The following PTPRB variants were observed in gnomAD, a reference collection of about 807,000 sequenced individuals.
The protein encoded by PTPRB is receptor-type tyrosine-protein phosphatase beta.
In PTPRB, 97 loss-of-function variants were observed where a neutral mutation model predicts 238.1. The observed-to-expected ratio is 0.41, with a 90% CI of 0.35 to 0.48. The LOEUF (loss-of-function observed/expected upper bound fraction) is 0.48. PTPRB is among the 20% of genes least tolerant of loss of function. The pLI is 0.30. For missense variants in PTPRB, 2,292 were observed against 2,681.9 expected (o/e 0.85, Z 3.21); for synonymous variants, 970 against 995.4 (o/e 0.97, Z 0.48).
At chr12:70,591,974 G>A (rs1214458531) in intron 7 of PTPRB, 4 of 368,698 alleles carry the variant, frequency 1.1e-5, no homozygotes, top group Non-Finnish European at 2.0e-5. Flanking sequence ...AATGCTAACT[G>A]GTTCTCACTG....
rs748003405 is a variant in PTPRB, at chr12:70,520,273, T to G, written c.*1216A>C. On this transcript the variant is annotated 3_prime_UTR_variant, in exon 34 of 34. Transcript: ENST00000334414. ...TGGAATTTGTTATAGTCAAAGTAAG[T>G]AAGGCACAAATATTGAAGATAAACT... 21 of 456,256 alleles carry G rather than the reference T, an allele frequency of 4.6e-5. No individual in the cohort carries two copies. Among genetic ancestry groups the G allele is most frequent in the African/African-American group, 8.0e-5 (4 of 50,294 alleles). The allele number at this position is 456,256 out of a possible 1,614,324, so 28.3% of individuals were successfully genotyped here.
chr12:70,603,507 G>C (rs574305206), intron 4 of PTPRB, among the ~76,000 whole-genome samples: 1 of 152,080 alleles, frequency 6.6e-6, no homozygotes, highest in Non-Finnish European at 1.5e-5. Flanking sequence ...TATACTTTTC[G>C]CAGAGTAGTG....
intron 9 of PTPRB, chr12:70,585,022 C>G (rs1468807644): frequency 6.7e-6 from 1 of 148,602 alleles, no homozygotes; most frequent in East Asian, 2.0e-4. Flanking sequence ...TGTGCAGTGG[C>G]AGGATCTCGA....
At chr12:70,612,273 G>A (rs1033194052) in intron 3 of PTPRB, among the ~76,000 whole-genome samples, 21 of 152,146 alleles carry the variant, frequency 1.4e-4, no homozygotes, top group Middle Eastern at 3.2e-3. Context: ...GGCTTTTACC[G>A]ATAACATTTT....
chr12:70,547,422 A>G lies in PTPRB; in HGVS notation c.5388-2759T>C, dbSNP rs148056614. Among the ~76,000 whole-genome samples, 580 of 152,310 alleles carry G rather than the reference A, an allele frequency of 3.8e-3. 2 individuals carry two copies. The highest frequency in any genetic ancestry group is 0.013 in the African/African-American group (544 of 41,564). On this transcript the variant is annotated intron_variant, in intron 21 of 33. Coordinates refer to ENST00000334414, the MANE Select transcript of PTPRB (RefSeq NM_001109754.4). Reference sequence around the variant, plus strand: ...CCAATGCCTTGGCAAATATGTTGCTAATTTATTATACATTTGGAAATTCAG... The same window carrying G: ...CCAATGCCTTGGCAAATATGTTGCTGATTTATTATACATTTGGAAATTCAG...
Position 70,546,917 on chromosome 12 carries a change from T to C in PTPRB, c.5388-2254A>G, listed in dbSNP as rs187834279. On this transcript the variant is annotated intron_variant, in intron 21 of 33. Transcript: ENST00000334414. ...AGTCCCTCCTACTGTGAAGATTCTC[T>C]AATTGAACTGATGGAGTATTAGGCT... 1.5e-3 allele frequency among the ~76,000 whole-genome samples: 228 copies of C among 152,340 alleles called. 1 individual carries two copies. Among genetic ancestry groups the C allele is most frequent in the African/African-American group, 5.1e-3 (214 of 41,584 alleles).
intron 12 of PTPRB, 65 bp from the exon 13 acceptor site, chr12:70,571,354 T>C: frequency 7.0e-7 from 1 of 1,426,174 alleles, no homozygotes. Context: ...ACATAATAAT[T>C]TATGAATCAC....
intron 3 of PTPRB, among the ~76,000 whole-genome samples, chr12:70,619,334 A>AATG (rs1304069582): frequency 6.6e-6 from 1 of 151,938 alleles, no homozygotes; most frequent in Non-Finnish European, 1.5e-5. Context: ...TGATAATGAT[A>AATG]ATGATGATAC....
chr12:70,543,545 T>C (rs1362212138), intron 22 of PTPRB, among the ~76,000 whole-genome samples: 1 of 152,198 alleles, frequency 6.6e-6, no homozygotes, highest in Non-Finnish European at 1.5e-5. Context: ...AATTGGGAGA[T>C]TATCCCTATA....
At chr12:70,556,899 C>T (rs529993544) in intron 18 of PTPRB, among the ~76,000 whole-genome samples, 9 of 152,178 alleles carry the variant, frequency 5.9e-5, no homozygotes, top group Non-Finnish European at 1.5e-5. Context: ...CTACTATGTG[C>T]CAGGTGCTCT....
intron 4 of PTPRB, among the ~76,000 whole-genome samples, chr12:70,607,173 C>T (rs1884013497): frequency 6.6e-6 from 1 of 152,230 alleles, no homozygotes; most frequent in African/African-American, 2.4e-5. Context: ...AAGTCCTTTT[C>T]CATTACTGTT....
chr12:70,576,662 TGGGGGG>T lies in PTPRB; in HGVS notation c.2579-23_2579-18del, dbSNP rs756886373. On this transcript the variant is annotated intron_variant, in intron 10 of 33. Coordinates refer to ENST00000334414, the MANE Select transcript of PTPRB (RefSeq NM_001109754.4). ...TGGAAGGGACTGTGATTTTGAAAGG[TGGGGGG>T]CGGGGGGGGGGGGGAAGGGGGATTC... The T allele has an allele frequency of 1.8e-3, 28 of 15,294 alleles. No individual in the cohort carries two copies. The highest frequency in any genetic ancestry group is 6.8e-3 in the African/African-American group (21 of 3,084). 0.9% of individuals were successfully genotyped at this position (15,294 alleles called of 1,614,324 possible). A position where few individuals can be genotyped will look rare whatever the true frequency, so the allele number is the denominator to read the frequency against.
chr12:70,614,160 A>T (rs1351722090), intron 3 of PTPRB, among the ~76,000 whole-genome samples: 1 of 152,166 alleles, frequency 6.6e-6, no homozygotes, highest in South Asian at 2.1e-4. Context: ...AGACCTAGGA[A>T]TCAGAAATGC....
At position 70,635,985 on chromosome 12, in the gene PTPRB, G is replaced by T. The variant is rs769842687; in HGVS notation, c.137C>A (p.Thr46Asn). The part of the protein sequence containing the change: ...EKVVVGSCNR[T>N]IQNQQWMWTE... ...CCACATCCACTGCTGGTTCTGGATG[G>T]TCCTGTTGCATGAGCCCACGACCAC... The change falls in exon 2 of 34, where the codon ACC (threonine) becomes AAC (asparagine). Residue 46 changes from threonine (T) to asparagine (N), a missense_variant. Thr to Asn is a moderately conservative substitution (Grantham distance 65). Coordinates refer to ENST00000334414, the MANE Select transcript of PTPRB (RefSeq NM_001109754.4). 8.7e-6 allele frequency: 14 copies of T among 1,613,498 alleles called. No individual in the cohort carries two copies. Among genetic ancestry groups the T allele is most frequent in the Non-Finnish European group, 8.5e-6 (10 of 1,179,756 alleles).
At chr12:70,597,006 C>T (rs960681724) in intron 4 of PTPRB, among the ~76,000 whole-genome samples, 4 of 152,058 alleles carry the variant, frequency 2.6e-5, no homozygotes, top group South Asian at 4.1e-4. Flanking sequence ...CAACCTCCGC[C>T]TCCCGGGTTC....
At position 70,571,281 on chromosome 12, in the gene PTPRB, G is replaced by T. The variant is rs769822765; in HGVS notation, c.3115C>A (p.Pro1039Thr). 3.8e-6 allele frequency: 6 copies of T among 1,598,108 alleles called. 1 individual carries two copies. Among genetic ancestry groups the T allele is most frequent in the South Asian group, 2.2e-5 (2 of 90,602 alleles). Reference protein sequence around the residue: ...EQGNGRTIPEPVKDLTLRNRS... With the variant: ...EQGNGRTIPETVKDLTLRNRS... ...TTGCGCAATGTTAGATCCTTAACAG[G>T]CTCTGGAACTAGGGAGAAAAATGAG... Residue 1039 changes from proline (P) to threonine (T), a missense_variant, in exon 13 of 34, where the codon CCT becomes ACT. By Grantham distance (38) the Pro-to-Thr change is conservative. Around this residue, in one of 4 missense-constraint regions of PTPRB, gnomAD observed 1,205 missense variants for 1,287.8 expected, o/e 0.94. Transcript: ENST00000334414.
chr12:70,580,994 C>G (rs747353563), intron 10 of PTPRB, 42 bp downstream of exon 10: 12 of 1,588,836 alleles, frequency 7.6e-6, no homozygotes, highest in Admixed American at 1.7e-5. Context: ...CTCATGTACT[C>G]AGATCTTAGT....
Position 70,626,296 on chromosome 12 carries a change from C to CATCCATCTATCT in PTPRB, c.452-3651_452-3650insAGATAGATGGAT, listed in dbSNP as rs1340352590. On this transcript the variant is annotated intron_variant, in intron 2 of 33. Transcript: ENST00000334414. ...TAGAAAAGGATGATGTCTATCCATC[C>CATCCATCTATCT]ATCTATCTATCTATCTATCTATCTA... Among the ~76,000 whole-genome samples, 12 of 91,940 alleles carry CATCCATCTATCT rather than the reference C, an allele frequency of 1.3e-4. No homozygotes were observed. In the South Asian group the frequency reaches 1.5e-3, roughly 11 times the overall value. The allele number at this position is 91,940 out of a possible 152,430, so 60.3% of individuals were successfully genotyped here.
intron 18 of PTPRB, among the ~76,000 whole-genome samples, chr12:70,558,376 TA>T (rs1220808723): frequency 6.6e-6 from 1 of 152,326 alleles, no homozygotes; most frequent in South Asian, 2.1e-4. Context: ...TAATGCTTAT[TA>T]AAAAAATAAA....
Sources: gnomAD v4.1 joint callset for allele counts (sites outside exome capture counted in the v4.1 genomes callset) on GRCh38, gnomAD v4.1.1 for gene constraint, gnomAD v4.1.1 regional missense constraint, MANE v1.5 for transcripts, NCBI Gene and HGNC (gene_info 2026-07-23, HGNC 2026-07-21) for gene names.